The following LRMDA variants were observed in gnomAD, a reference collection of about 807,000 sequenced individuals.
The protein encoded by LRMDA is leucine rich melanocyte differentiation associated.
A neutral mutation model predicts 29.8 loss-of-function variants in LRMDA; 18 were observed. That is an observed-to-expected ratio of 0.60 (90% confidence interval 0.42 to 0.90). LRMDA has a LOEUF of 0.90. Ranked by LOEUF, LRMDA falls within the 40% of genes least tolerant of loss-of-function variation. LRMDA has a pLI of 0.00. For missense variants in LRMDA, 273 were observed against 273.9 expected, an observed-to-expected ratio of 1.00 and a Z score of 0.02; for synonymous variants, 125 against 109.4, an observed-to-expected ratio of 1.14 and a Z score of -0.89.
intron 2 of LRMDA, among the ~76,000 whole-genome samples, chr10:75,631,494 T>C (rs1416290480): frequency 6.6e-6 from 1 of 152,012 alleles, no homozygotes; most frequent in Non-Finnish European, 1.5e-5. Context: ...TGTGATCTTA[T>C]TATTGGTCCT....
intron 2 of LRMDA, among the ~76,000 whole-genome samples, chr10:75,511,934 C>T (rs1845230458): frequency 6.6e-6 from 1 of 152,200 alleles, no homozygotes; most frequent in African/African-American, 2.4e-5. Context: ...TTCATCTGCT[C>T]CAGCAAGCAG....
At chr10:76,435,908 G>C (rs911056443) in intron 6 of LRMDA, among the ~76,000 whole-genome samples, 3 of 152,196 alleles carry the variant, frequency 2.0e-5, no homozygotes, top group Admixed American at 6.5e-5. Context: ...ATGACAAAAA[G>C]AAAGCCTACA....
At chr10:75,574,601 C>T (rs1840479732) in intron 2 of LRMDA, among the ~76,000 whole-genome samples, 1 of 152,144 alleles carries the variant, frequency 6.6e-6, no homozygotes, top group Admixed American at 6.5e-5. Context: ...CCTTTTCTGT[C>T]ATCTTCATAG....
chr10:76,034,860 C>T lies in LRMDA; in HGVS notation c.132-1148C>T, dbSNP rs541382967. On this transcript the variant is annotated intron_variant, in intron 2 of 6. Coordinates refer to ENST00000611255, the MANE Select transcript of LRMDA (RefSeq NM_001305581.2). ...TCCACATCGTAGCTCAGCTGTCAGC[C>T]GGTGCAGGCTCAGCACATCTCCTGG... 2.5e-4 allele frequency among the ~76,000 whole-genome samples: 38 copies of T among 152,232 alleles called. No individual in the cohort carries two copies. In the South Asian group the frequency reaches 3.1e-3, roughly 12 times the overall value.
chr10:76,065,122 T>C (rs979865256), intron 5 of LRMDA, among the ~76,000 whole-genome samples: 3 of 152,252 alleles, frequency 2.0e-5, no homozygotes, highest in Admixed American at 1.3e-4. Flanking sequence ...TTCAACCTTA[T>C]TCCTGACTTC....
chr10:76,358,190 G>A (rs1029877710), intron 6 of LRMDA, among the ~76,000 whole-genome samples: 4 of 152,212 alleles, frequency 2.6e-5, no homozygotes, highest in Admixed American at 2.6e-4. Context: ...CTTGGTGGTA[G>A]TATTAGAAAA....
At chr10:75,469,727 A>G (rs141080537) in intron 2 of LRMDA, among the ~76,000 whole-genome samples, 38 of 152,318 alleles carry the variant, frequency 2.5e-4, no homozygotes, top group Middle Eastern at 3.4e-3. Context: ...AGACTTTTGC[A>G]GAGGGGTGAG....
At chr10:75,616,948 G>A (rs1323203240) in intron 2 of LRMDA, among the ~76,000 whole-genome samples, 1 of 152,186 alleles carries the variant, frequency 6.6e-6, no homozygotes, top group Non-Finnish European at 1.5e-5. Context: ...GTATTTACTA[G>A]TAAGTGGAAG....
At chr10:75,656,403 T>C (rs1281909582) in intron 2 of LRMDA, among the ~76,000 whole-genome samples, 2 of 152,234 alleles carry the variant, frequency 1.3e-5, no homozygotes, top group African/African-American at 2.4e-5. Flanking sequence ...GATTCCATTC[T>C]ATGAATTACC....
intron 5 of LRMDA, among the ~76,000 whole-genome samples, chr10:76,315,040 A>G (rs1364286868): frequency 6.6e-6 from 1 of 152,202 alleles, no homozygotes; most frequent in Non-Finnish European, 1.5e-5. Context: ...CATCAAGTTC[A>G]TTGTACAGTG....
chr10:76,157,100 A>G (rs1188535140), intron 5 of LRMDA, among the ~76,000 whole-genome samples: 1 of 152,170 alleles, frequency 6.6e-6, no homozygotes, highest in Admixed American at 6.5e-5. Context: ...CATGGGGAAG[A>G]CTAGGTTGAA....
chr10:76,062,941 C>T (rs190236424), intron 5 of LRMDA, among the ~76,000 whole-genome samples: 1 of 152,168 alleles, frequency 6.6e-6, no homozygotes, highest in Admixed American at 6.5e-5. Flanking sequence ...TCCAGGATGA[C>T]GTGTGTGGTC....
intron 2 of LRMDA, among the ~76,000 whole-genome samples, chr10:75,996,632 T>A (rs956359705): frequency 1.3e-5 from 2 of 152,158 alleles, no homozygotes; most frequent in African/African-American, 4.8e-5. Context: ...TCTATACTCT[T>A]CAAAGCATGT....
intron 2 of LRMDA, among the ~76,000 whole-genome samples, chr10:75,607,276 T>C (rs1341888686): frequency 1.3e-5 from 2 of 152,248 alleles, no homozygotes; most frequent in East Asian, 1.9e-4. Flanking sequence ...AAGGCCTTTC[T>C]TGACATACGA....
chr10:76,313,440 C>G (rs555599138), intron 5 of LRMDA, among the ~76,000 whole-genome samples: 1 of 152,234 alleles, frequency 6.6e-6, no homozygotes, highest in South Asian at 2.1e-4. Context: ...GAGCCTGGCT[C>G]TAAATCTTGA....
At chr10:76,076,941 C>G (rs1378537225) in intron 5 of LRMDA, among the ~76,000 whole-genome samples, 1 of 152,190 alleles carries the variant, frequency 6.6e-6, no homozygotes, top group African/African-American at 2.4e-5. Flanking sequence ...AGTTTGGGAC[C>G]AGGGTTTACT....
chr10:76,431,948 A>G (rs1204547021), intron 6 of LRMDA, among the ~76,000 whole-genome samples: 2 of 152,194 alleles, frequency 1.3e-5, no homozygotes, highest in Non-Finnish European at 2.9e-5. Flanking sequence ...ACCTTCTGCC[A>G]TGATTGTGAG....
chr10:76,201,335 C>T (rs566845966), intron 5 of LRMDA, among the ~76,000 whole-genome samples: 13 of 150,616 alleles, frequency 8.6e-5, no homozygotes, highest in South Asian at 8.5e-4. Context: ...CCTCATGATC[C>T]GCCTGTCTTG....
At chr10:75,442,463 T>C (rs1228140804) in intron 2 of LRMDA, among the ~76,000 whole-genome samples, 3 of 152,240 alleles carry the variant, frequency 2.0e-5, no homozygotes, top group African/African-American at 7.2e-5. Flanking sequence ...CAGTTTTTTC[T>C]TCCACATATG....
Sources: allele counts gnomAD v4.1 joint callset (sites outside exome capture counted in the v4.1 genomes callset), GRCh38; gene constraint gnomAD v4.1.1; transcripts MANE v1.5; gene names NCBI Gene and HGNC (gene_info 2026-07-23, HGNC 2026-07-21).